Variants in MKLN1 observed in about 807,000 individuals in gnomAD.
The protein encoded by MKLN1 is muskelin 1, also known as muskelin.
Under a neutral mutation model 99.0 loss-of-function variants are expected in MKLN1, and 18 were observed. The observed-to-expected ratio is 0.18, with a 90% CI of 0.13 to 0.27. The LOEUF (loss-of-function observed/expected upper bound fraction) is 0.27, where lower values mean the gene tolerates loss of function less well. Ranked by LOEUF, MKLN1 falls within the 10% of genes least tolerant of loss-of-function variation. The pLI, the probability that MKLN1 is intolerant of heterozygous loss-of-function variation, is 1.00. For missense variants in MKLN1, 621 were observed against 875.9 expected (o/e 0.71, Z 3.67); for synonymous variants, 288 against 293.2 (o/e 0.98, Z 0.18).
At chr7:131,420,248 T>C (rs1584723514) in intron 8 of MKLN1, among the ~76,000 whole-genome samples, 2 of 141,352 alleles carry the variant, frequency 1.4e-5, no homozygotes, top group Non-Finnish European at 3.1e-5. Flanking sequence ...TATGAAAGAG[T>C]AGCTATTAGT....
At chr7:131,177,216 TC>T (rs1796311575) in intron 2 of MKLN1, among the ~76,000 whole-genome samples, 1 of 152,150 alleles carries the variant, frequency 6.6e-6, no homozygotes. Flanking sequence ...ATGCCTGTAA[TC>T]CCAGCACTTT....
chr7:131,471,484 T>C (rs1796819287), intron 16 of MKLN1, among the ~76,000 whole-genome samples: 1 of 152,224 alleles, frequency 6.6e-6, no homozygotes, highest in Non-Finnish European at 1.5e-5. Context: ...AGAAATCAGT[T>C]AGCCAATCAT....
chr7:131,487,982 T>TATA lies in MKLN1; in HGVS notation c.*254_*255insATA. 5.8e-6 allele frequency: 1 copy of TATA among 171,802 alleles called. No individual in the cohort carries two copies. Among genetic ancestry groups the TATA allele is most frequent in the Non-Finnish European group, 1.2e-5 (1 of 82,430 alleles). 10.6% of individuals were successfully genotyped at this position (171,802 alleles called of 1,614,324 possible). A position where few individuals can be genotyped will look rare whatever the true frequency, so the allele number is the denominator to read the frequency against. The stretch of plus-strand genomic sequence containing the variant: ...CCAGTTAAATATATATATATATATA[T>TATA]TTTTTCTTACTTTATCTTTTAAGAA... On this transcript the variant is annotated 3_prime_UTR_variant, in exon 18 of 18. Transcript: ENST00000352689. The surrounding 1 kb of genome is among the most constrained non-coding windows in gnomAD (Gnocchi z 4.7).
At chr7:131,357,327 T>C (rs1799911936) in intron 1 of MKLN1, among the ~76,000 whole-genome samples, 1 of 152,074 alleles carries the variant, frequency 6.6e-6, no homozygotes, top group Non-Finnish European at 1.5e-5. Context: ...GAGTTTGGGT[T>C]GATTGGGAAG....
rs1217673698 is a variant in MKLN1, at chr7:131,142,375, T to A, written c.-418-445T>A. 2.7e-5 allele frequency among the ~76,000 whole-genome samples: 4 copies of A among 145,686 alleles called. No individual in the cohort carries two copies. In the South Asian group the frequency reaches 8.8e-4, roughly 32 times the overall value. On this transcript the variant is annotated intron_variant, in intron 1 of 7. Transcript: ENST00000416992. The stretch of plus-strand genomic sequence containing the variant: ...GCAGTGAGCCAAGATCGCGCCACTG[T>A]ACTTCAGCCTGGGTGACAGAGCGAG...
At chr7:131,448,011 G>A (rs1417404869) in intron 12 of MKLN1, among the ~76,000 whole-genome samples, 1 of 152,156 alleles carries the variant, frequency 6.6e-6, no homozygotes, top group Admixed American at 6.5e-5. Context: ...GGTGGATCAC[G>A]AGGTCAGGAG....
chr7:131,246,729 G>A (rs1296045136), intron 3 of MKLN1, among the ~76,000 whole-genome samples: 1 of 151,648 alleles, frequency 6.6e-6, no homozygotes, highest in Non-Finnish European at 1.5e-5. Context: ...TGATGTGCCC[G>A]CCTCAGCCTC....
intron 12 of MKLN1, 116 bp downstream of exon 12, chr7:131,446,019 G>A: frequency 5.0e-6 from 3 of 598,162 alleles, no homozygotes; most frequent in Non-Finnish European, 7.9e-6. Context: ...CTTTAATTGA[G>A]TAATTCCAAG....
intron 6 of MKLN1, among the ~76,000 whole-genome samples, chr7:131,400,136 G>A (rs2116252887): frequency 6.6e-6 from 1 of 151,928 alleles, no homozygotes; most frequent in Admixed American, 6.6e-5. Flanking sequence ...TTGTGGAATT[G>A]AATTTGGTGC....
At chr7:131,174,751 T>C (rs766153765) in intron 2 of MKLN1, among the ~76,000 whole-genome samples, 7 of 152,232 alleles carry the variant, frequency 4.6e-5, no homozygotes, top group African/African-American at 7.2e-5. Flanking sequence ...CCAATCTTGA[T>C]GAGAATTGAT....
chr7:131,459,650 T>G (rs1615299), intron 12 of MKLN1, among the ~76,000 whole-genome samples: 65,301 of 151,882 alleles, frequency 0.43, 14,391 homozygotes, highest in East Asian at 0.49. Context: ...TTTCCTTCTT[T>G]GGAAGCTTTT....
chr7:131,443,461 C>G lies in MKLN1; in HGVS notation c.1174-20C>G. 4.6e-6 allele frequency: 7 copies of G among 1,532,658 alleles called. No homozygotes were observed. Among genetic ancestry groups the G allele is most frequent in the Non-Finnish European group, 6.3e-6 (7 of 1,106,046 alleles). 94.9% of individuals were successfully genotyped at this position (1,532,658 alleles called of 1,614,324 possible). A position where few individuals can be genotyped will look rare whatever the true frequency, so the allele number is the denominator to read the frequency against. On this transcript the variant is annotated intron_variant, in intron 10 of 17. Coordinates refer to ENST00000352689, the MANE Select transcript of MKLN1 (RefSeq NM_013255.5). ...CAGGAACAAACTAAAACTATTCAAT[C>G]TGTTGCCTTGTTCTGATAGATGTGT...
intron 1 of MKLN1, among the ~76,000 whole-genome samples, chr7:131,122,712 A>T (rs1345245959): frequency 6.6e-6 from 1 of 152,100 alleles, no homozygotes; most frequent in East Asian, 1.9e-4. Flanking sequence ...TTAGTCTGTT[A>T]TTGTTTCTGC....
chr7:131,151,661 T>C (rs1795890099), intron 2 of MKLN1, among the ~76,000 whole-genome samples: 1 of 152,194 alleles, frequency 6.6e-6, no homozygotes, highest in South Asian at 2.1e-4. Context: ...TATAGTTGAA[T>C]TGCAGAAATG....
intron 1 of MKLN1, among the ~76,000 whole-genome samples, chr7:131,128,541 A>G (rs1795498707): frequency 6.6e-6 from 1 of 152,212 alleles, no homozygotes; most frequent in Non-Finnish European, 1.5e-5. Context: ...AAAGGAAAAC[A>G]TTGATATATT....
intron 12 of MKLN1, among the ~76,000 whole-genome samples, chr7:131,452,349 G>A (rs1391745288): frequency 6.6e-6 from 1 of 152,082 alleles, no homozygotes; most frequent in Non-Finnish European, 1.5e-5. Context: ...TTATCAGGCT[G>A]TGAAACTAAG....
intron 3 of MKLN1, among the ~76,000 whole-genome samples, chr7:131,316,717 T>C (rs1798675567): frequency 6.6e-6 from 1 of 152,072 alleles, no homozygotes; most frequent in Admixed American, 6.5e-5. Flanking sequence ...TGATAAAAGG[T>C]TACAGGAACT....
At chr7:131,422,368 C>G (rs1795231456) in intron 8 of MKLN1, among the ~76,000 whole-genome samples, 1 of 152,108 alleles carries the variant, frequency 6.6e-6, no homozygotes, top group Admixed American at 6.6e-5. Flanking sequence ...GGCAACACAG[C>G]AAGACCTCTG....
At chr7:131,254,932 C>T (rs764434064) in intron 3 of MKLN1, among the ~76,000 whole-genome samples, 1 of 151,888 alleles carries the variant, frequency 6.6e-6, no homozygotes. Context: ...ATCTCTGTTG[C>T]CCAGGCTGGA....
Sources: gnomAD v4.1 joint callset for allele counts (sites outside exome capture counted in the v4.1 genomes callset) on GRCh38, gnomAD v4.1.1 for gene constraint, Gnocchi (gnomAD v3.1) non-coding constraint, MANE v1.5 for transcripts, NCBI Gene and HGNC (gene_info 2026-07-23, HGNC 2026-07-21) for gene names.